Variants in SLC4A4 observed in about 807,000 individuals in gnomAD.
The protein encoded by SLC4A4 is electrogenic sodium bicarbonate cotransporter 1.
SLC4A4 carries 27 observed loss-of-function variants against 111.5 expected under a neutral mutation model. The observed-to-expected ratio is 0.24, with a 90% CI of 0.18 to 0.33. The LOEUF (loss-of-function observed/expected upper bound fraction) is 0.33, where lower values mean the gene tolerates loss of function less well. SLC4A4 is among the 10% of genes least tolerant of loss of function. The pLI, the probability that SLC4A4 is intolerant of heterozygous loss-of-function variation, is 1.00. For missense variants in SLC4A4, 909 were observed against 1,315.5 expected, an observed-to-expected ratio of 0.69 and a Z score of 4.78; for synonymous variants, 443 against 463.4, an observed-to-expected ratio of 0.96 and a Z score of 0.57.
intron 11 of SLC4A4, 33 bp from the exon 12 acceptor site, chr4:71,453,462 C>G: frequency 1.3e-6 from 2 of 1,597,020 alleles, no homozygotes; most frequent in Non-Finnish European, 1.7e-6. Flanking sequence ...ATTTACTTTA[C>G]ATTTAGTGGA....
intron 6 of SLC4A4, among the ~76,000 whole-genome samples, chr4:71,395,689 T>G (rs544091691): frequency 3.1e-4 from 47 of 152,332 alleles, no homozygotes; most frequent in Non-Finnish European, 6.3e-4. Flanking sequence ...AAATGTGCCT[T>G]TGCAGTATTT....
chr4:71,493,606 G>A (rs1730129883), intron 15 of SLC4A4, among the ~76,000 whole-genome samples: 2 of 151,416 alleles, frequency 1.3e-5, no homozygotes, highest in African/African-American at 4.9e-5. Flanking sequence ...TCCATCCTTA[G>A]TCAAAACAGT....
At chr4:71,256,373 G>T (rs1203886302) in intron 3 of SLC4A4, among the ~76,000 whole-genome samples, 2 of 152,192 alleles carry the variant, frequency 1.3e-5, no homozygotes, top group African/African-American at 4.8e-5. Context: ...TGAATTTACA[G>T]AGTTAAATTA....
Position 71,367,827 on chromosome 4 carries a change from G to A in SLC4A4, c.730+10640G>A, listed in dbSNP as rs1324858334. Among the ~76,000 whole-genome samples the A allele has an allele frequency of 2.6e-5, 4 of 152,074 alleles. No homozygotes were observed. In the South Asian group the frequency reaches 6.2e-4, roughly 24 times the overall value. On this transcript the variant is annotated intron_variant, in intron 6 of 25. Coordinates refer to ENST00000264485, the MANE Select transcript of SLC4A4 (RefSeq NM_001098484.3). The stretch of plus-strand genomic sequence containing the variant: ...AGATAAATTGACAAAAATGTTTCTC[G>A]ATTTTATAATGTGCCGAATGCCCAA...
At chr4:71,482,857 CA>C (rs1729007936) in intron 14 of SLC4A4, among the ~76,000 whole-genome samples, 1 of 151,484 alleles carries the variant, frequency 6.6e-6, no homozygotes, top group Non-Finnish European at 1.5e-5. Flanking sequence ...CTGTGTAAGA[CA>C]AGAAAGAATG....
Position 71,493,731 on chromosome 4 carries a change from A to G in SLC4A4, c.1975-3770A>G, listed in dbSNP as rs1730148410. 1.7e-5 allele frequency among the ~76,000 whole-genome samples: 2 copies of G among 117,142 alleles called. 1 individual carries two copies. The highest frequency in any genetic ancestry group is 4.2e-5 in the Non-Finnish European group (2 of 47,822). The allele number at this position is 117,142 out of a possible 152,430, so 76.8% of individuals were successfully genotyped here. A position where few individuals can be genotyped will look rare whatever the true frequency, so the allele number is the denominator to read the frequency against. ...TTCTCCATTCTTGCATTTCCCATCA[A>G]TCTCTTTTCCTTTTCATCCCCCTAA... On this transcript the variant is annotated intron_variant, in intron 15 of 25. Transcript: ENST00000264485.
At chr4:71,144,220 T>C (rs1744099266) in intron 2 of SLC4A4, among the ~76,000 whole-genome samples, 1 of 152,238 alleles carries the variant, frequency 6.6e-6, no homozygotes, top group Non-Finnish European at 1.5e-5. Flanking sequence ...TCCCCATTTC[T>C]TGTTTTTGTC....
intron 3 of SLC4A4, among the ~76,000 whole-genome samples, chr4:71,259,928 A>C (rs1721726061): frequency 6.6e-6 from 1 of 152,214 alleles, no homozygotes. Flanking sequence ...ATTTCTTGAC[A>C]AGCATGAACA....
intron 7 of SLC4A4, among the ~76,000 whole-genome samples, chr4:71,413,061 AGTT>A (rs1721509868): frequency 6.6e-6 from 1 of 152,116 alleles, no homozygotes; most frequent in African/African-American, 2.4e-5. Flanking sequence ...ACTTCTGTAT[AGTT>A]GTTGCCTGCC....
chr4:71,242,592 C>T (rs1443061301), intron 2 of SLC4A4, among the ~76,000 whole-genome samples: 2 of 152,094 alleles, frequency 1.3e-5, no homozygotes, highest in African/African-American at 4.8e-5. Flanking sequence ...GCATTAGGAA[C>T]AGGAGTGCTT....
chr4:71,164,556 CAAACA>C (rs1482844628), intron 2 of SLC4A4, among the ~76,000 whole-genome samples: 1 of 151,244 alleles, frequency 6.6e-6, no homozygotes. Context: ...ACAAAACAAA[CAAACA>C]AACAAAAAAA....
At chr4:71,372,419 G>T (rs1441886216) in intron 6 of SLC4A4, among the ~76,000 whole-genome samples, 1 of 152,218 alleles carries the variant, frequency 6.6e-6, no homozygotes. Flanking sequence ...TTCAGGACAA[G>T]TTAATACCCA....
intron 1 of SLC4A4, among the ~76,000 whole-genome samples, chr4:71,206,273 A>G (rs72850664): frequency 0.018 from 2,693 of 152,206 alleles, 74 homozygotes; most frequent in African/African-American, 0.056. Flanking sequence ...CCAAAAGACT[A>G]GGGTATTTTA....
At chr4:71,239,442 GC>G (rs1560803802) in intron 2 of SLC4A4, among the ~76,000 whole-genome samples, 1 of 152,178 alleles carries the variant, frequency 6.6e-6, no homozygotes. Flanking sequence ...GGCAAGAAGA[GC>G]CAGATACTCT....
At chr4:71,416,790 A>G (rs1341273129) in intron 7 of SLC4A4, among the ~76,000 whole-genome samples, 1 of 152,206 alleles carries the variant, frequency 6.6e-6, no homozygotes, top group Admixed American at 6.5e-5. Flanking sequence ...CAGTCTTACC[A>G]ATATGAGATT....
At chr4:71,172,287 C>T (rs1028295252) in intron 2 of SLC4A4, among the ~76,000 whole-genome samples, 2 of 148,342 alleles carry the variant, frequency 1.3e-5, no homozygotes, top group Admixed American at 1.3e-4. Context: ...GACGGAGTCT[C>T]GCTTTGTCGC....
At chr4:71,083,423 T>C (rs1042577905) in intron 1 of SLC4A4, among the ~76,000 whole-genome samples, 1 of 152,012 alleles carries the variant, frequency 6.6e-6, no homozygotes, top group Admixed American at 6.6e-5. Flanking sequence ...TTAAATTCCC[T>C]TTTTTCCTAC....
intron 2 of SLC4A4, among the ~76,000 whole-genome samples, chr4:71,253,888 A>G (rs898932160): frequency 6.6e-6 from 1 of 152,194 alleles, no homozygotes; most frequent in Admixed American, 6.6e-5. Flanking sequence ...CTTCTTTTGA[A>G]TACTAACCCA....
chr4:71,220,310 AC>A (rs978326282), intron 1 of SLC4A4, among the ~76,000 whole-genome samples: 3 of 152,196 alleles, frequency 2.0e-5, no homozygotes, highest in Non-Finnish European at 4.4e-5. Context: ...CATTTTTTAG[AC>A]ATAATGCTAT....
Sources: allele counts gnomAD v4.1 joint callset (sites outside exome capture counted in the v4.1 genomes callset), GRCh38; gene constraint gnomAD v4.1.1; transcripts MANE v1.5; gene names NCBI Gene and HGNC (gene_info 2026-07-23, HGNC 2026-07-21).